Variants in PDE7B observed in about 807,000 individuals in gnomAD.
PDE7B encodes 3',5'-cyclic-AMP phosphodiesterase 7B.
A neutral mutation model predicts 56.2 loss-of-function variants in PDE7B; 29 were observed. That is an observed-to-expected ratio of 0.52 (90% CI 0.38 to 0.70). PDE7B has a LOEUF of 0.70. Among genes scored for constraint, PDE7B ranks in the 30% least tolerant of loss-of-function variants. The pLI is 0.00. For missense variants in PDE7B, 490 were observed against 565.0 expected, an observed-to-expected ratio of 0.87 and a Z score of 1.35; for synonymous variants, 197 against 196.9, an observed-to-expected ratio of 1.00 and a Z score of 0.00.
chr6:136,169,743 T>G (rs1778850988), intron 8 of PDE7B, among the ~76,000 whole-genome samples: 1 of 152,208 alleles, frequency 6.6e-6, no homozygotes, highest in African/African-American at 2.4e-5. Flanking sequence ...CACTCTTCTC[T>G]CCTAAATCTT....
At chr6:135,962,224 A>G (rs1583797814) in intron 2 of PDE7B, among the ~76,000 whole-genome samples, 2 of 152,198 alleles carry the variant, frequency 1.3e-5, no homozygotes, top group African/African-American at 4.8e-5. Context: ...TTACTATGAA[A>G]TCATATAGCC....
chr6:136,004,355 C>G (rs983219072), intron 2 of PDE7B, among the ~76,000 whole-genome samples: 2 of 151,928 alleles, frequency 1.3e-5, no homozygotes, highest in Non-Finnish European at 2.9e-5. Context: ...CTGGCCAGGG[C>G]AATTAGGCAG....
At chr6:136,017,098 C>A (rs1484641458) in intron 2 of PDE7B, among the ~76,000 whole-genome samples, 2 of 152,132 alleles carry the variant, frequency 1.3e-5, no homozygotes, top group Non-Finnish European at 1.5e-5. Context: ...TAGCCTGAAA[C>A]CCTCAAATAG....
At chr6:136,092,308 A>G (rs1428774218) in intron 2 of PDE7B, among the ~76,000 whole-genome samples, 2 of 152,212 alleles carry the variant, frequency 1.3e-5, no homozygotes, top group South Asian at 2.1e-4. Flanking sequence ...TCTGGGTTCA[A>G]TTATCACAAA....
At chr6:136,113,745 G>A (rs2128442580) in intron 3 of PDE7B, among the ~76,000 whole-genome samples, 1 of 152,324 alleles carries the variant, frequency 6.6e-6, no homozygotes, top group Non-Finnish European at 1.5e-5. Context: ...AAAATGTAGA[G>A]AAGAGTGTTC....
intron 2 of PDE7B, among the ~76,000 whole-genome samples, chr6:136,043,575 CAAAAAAAAA>C (rs34337621): frequency 1.9e-5 from 2 of 106,908 alleles, no homozygotes; most frequent in Admixed American, 9.7e-5. Context: ...GACATAATAG[CAAAAAAAAA>C]AAAAAAAAAA....
chr6:135,969,822 T>A (rs1775061354), intron 2 of PDE7B, among the ~76,000 whole-genome samples: 1 of 152,124 alleles, frequency 6.6e-6, no homozygotes, highest in South Asian at 2.1e-4. Context: ...TCATTTTTAA[T>A]GTACTGTATA....
chr6:135,893,862 G>A (rs139720079), intron 1 of PDE7B, among the ~76,000 whole-genome samples: 323 of 152,224 alleles, frequency 2.1e-3, no homozygotes, highest in Non-Finnish European at 3.5e-3. Flanking sequence ...AGTGAAAAGA[G>A]AACATTTAAT....
At chr6:135,861,554 T>TTA (rs147110247) in intron 1 of PDE7B, among the ~76,000 whole-genome samples, 2,986 of 150,374 alleles carry the variant, frequency 0.02, 30 homozygotes, top group African/African-American at 0.033. Flanking sequence ...CCTTTGATTG[T>TTA]TATATATATT....
intron 2 of PDE7B, among the ~76,000 whole-genome samples, chr6:136,074,781 G>A (rs1386746437): frequency 6.6e-6 from 1 of 152,082 alleles, no homozygotes; most frequent in Non-Finnish European, 1.5e-5. Context: ...TGGCTGAATA[G>A]TACTCCATTG....
At chr6:135,972,695 T>C (rs1775114393) in intron 2 of PDE7B, among the ~76,000 whole-genome samples, 1 of 152,168 alleles carries the variant, frequency 6.6e-6, no homozygotes, top group Non-Finnish European at 1.5e-5. Flanking sequence ...AAACGAACCA[T>C]CTTAGCTACC....
chr6:136,008,806 T>A (rs922905923), intron 2 of PDE7B, among the ~76,000 whole-genome samples: 2 of 152,128 alleles, frequency 1.3e-5, no homozygotes, highest in African/African-American at 4.8e-5. Context: ...CTGATGGTAG[T>A]TTCTTTTGCT....
At chr6:136,024,889 C>G (rs1204313205) in intron 2 of PDE7B, among the ~76,000 whole-genome samples, 1 of 152,118 alleles carries the variant, frequency 6.6e-6, no homozygotes, top group Non-Finnish European at 1.5e-5. Flanking sequence ...AAGAAAGTTG[C>G]AACAACTGGG....
At chr6:135,854,637 C>T (rs1774993476) in intron 1 of PDE7B, among the ~76,000 whole-genome samples, 1 of 152,196 alleles carries the variant, frequency 6.6e-6, no homozygotes, top group African/African-American at 2.4e-5. Context: ...CCCATTTCCC[C>T]TAAGAATGTA....
chr6:136,149,618 G>A (rs1477904829), intron 5 of PDE7B, among the ~76,000 whole-genome samples: 1 of 152,114 alleles, frequency 6.6e-6, no homozygotes, highest in Non-Finnish European at 1.5e-5. Context: ...CAATTGCCGA[G>A]GAAAGAATAT....
At chr6:135,972,150 C>G (rs1211959121) in intron 2 of PDE7B, among the ~76,000 whole-genome samples, 1 of 136,014 alleles carries the variant, frequency 7.4e-6, no homozygotes, top group Non-Finnish European at 1.5e-5. Flanking sequence ...AGGAGAATTG[C>G]TTGAACCTGG....
At chr6:135,891,269 C>T (rs1025545359) in intron 1 of PDE7B, among the ~76,000 whole-genome samples, 1 of 151,952 alleles carries the variant, frequency 6.6e-6, no homozygotes, top group African/African-American at 2.4e-5. Context: ...CAAAGAGTAA[C>T]AAAAATGATT....
chr6:136,189,237 G>A (rs1779185480), intron 12 of PDE7B, among the ~76,000 whole-genome samples: 1 of 152,090 alleles, frequency 6.6e-6, no homozygotes, highest in Non-Finnish European at 1.5e-5. Context: ...CCAACTCCAC[G>A]CTTCCCTCTC....
At chr6:135,865,473 A>G (rs1775236563) in intron 1 of PDE7B, among the ~76,000 whole-genome samples, 1 of 152,114 alleles carries the variant, frequency 6.6e-6, no homozygotes, top group South Asian at 2.1e-4. Flanking sequence ...ATCCTTAAAC[A>G]TATTCTGCAA....
Sources: allele counts gnomAD v4.1 joint callset (sites outside exome capture counted in the v4.1 genomes callset), GRCh38; gene constraint gnomAD v4.1.1; transcripts MANE v1.5; gene names NCBI Gene and HGNC (gene_info 2026-07-23, HGNC 2026-07-21).